Variants in IFT81 observed in about 807,000 individuals in gnomAD.
IFT81 encodes the protein intraflagellar transport protein 81 homolog.
Under a neutral mutation model 102.6 loss-of-function variants are expected in IFT81, and 72 were observed. That is an observed-to-expected ratio of 0.70 (90% CI 0.58 to 0.85). The LOEUF (loss-of-function observed/expected upper bound fraction) is 0.85. Ranked by LOEUF, IFT81 falls within the 40% of genes least tolerant of loss-of-function variation. IFT81 has a pLI of 0.00. For synonymous variants in IFT81, 237 were observed against 242.7 expected (o/e 0.98, Z 0.22); for missense variants, 723 against 787.3 (o/e 0.92, Z 0.98).
intron 17 of IFT81, among the ~76,000 whole-genome samples, chr12:110,206,012 A>G (rs1462737153): frequency 2.0e-5 from 3 of 152,184 alleles, no homozygotes; most frequent in African/African-American, 7.2e-5. Context: ...TGTTTTCATC[A>G]TCCCAAACAA....
chr12:110,199,645 G>A (rs1432416648), intron 14 of IFT81, among the ~76,000 whole-genome samples: 1 of 152,154 alleles, frequency 6.6e-6, no homozygotes, highest in Non-Finnish European at 1.5e-5. Context: ...CTTTGGATGT[G>A]ACTTTCACCT....
intron 14 of IFT81, among the ~76,000 whole-genome samples, chr12:110,193,312 T>A (rs1433093958): frequency 1.3e-5 from 2 of 152,200 alleles, no homozygotes; most frequent in African/African-American, 4.8e-5. Flanking sequence ...TTTCTTTAAA[T>A]CATATGGACC....
chr12:110,192,676 A>G lies in IFT81; in HGVS notation c.1527A>G (p.Lys509=). The change falls in exon 14 of 19, where the codon AAA becomes AAG. Residue 509 remains lysine (K), a synonymous_variant. Coordinates refer to ENST00000242591, the MANE Select transcript of IFT81 (RefSeq NM_014055.4). ...EKKSALASVI[K]ELRQLRQKYQ... Reference sequence around the variant, plus strand: ...AGTCAGCTCTTGCCTCAGTTATAAAAGAGCTACGACAGTTGCGTCAAAAAT... The same window carrying G: ...AGTCAGCTCTTGCCTCAGTTATAAAGGAGCTACGACAGTTGCGTCAAAAAT... 6.3e-7 allele frequency: 1 copy of G among 1,590,576 alleles called. No individual in the cohort carries two copies. Among genetic ancestry groups the G allele is most frequent in the African/African-American group, 1.4e-5 (1 of 74,064 alleles).
chr12:110,194,275 A>T (rs750527153), intron 14 of IFT81, among the ~76,000 whole-genome samples: 43 of 152,204 alleles, frequency 2.8e-4, no homozygotes, highest in Non-Finnish European at 5.9e-4. Context: ...TGTCTAACTT[A>T]TATTTATCTA....
intron 14 of IFT81, among the ~76,000 whole-genome samples, chr12:110,195,454 T>C (rs1897960942): frequency 6.6e-6 from 1 of 152,160 alleles, no homozygotes; most frequent in Non-Finnish European, 1.5e-5. Flanking sequence ...TATGACTTGT[T>C]AGCTTTAAAT....
chr12:110,203,438 G>T, intron 14 of IFT81: 1 of 168,806 alleles, frequency 5.9e-6, no homozygotes, highest in East Asian at 1.6e-4. Flanking sequence ...CTAATCCTTC[G>T]TGATTAGCTT....
chr12:110,135,033 G>GTT lies in IFT81; in HGVS notation c.585+21_585+22insTT. The GTT allele has an allele frequency of 6.4e-7, 1 of 1,568,084 alleles. No homozygotes were observed. Among genetic ancestry groups the GTT allele is most frequent in the Non-Finnish European group, 8.7e-7 (1 of 1,153,476 alleles). On this transcript the variant is annotated intron_variant, in intron 6 of 18. Coordinates refer to ENST00000242591, the MANE Select transcript of IFT81 (RefSeq NM_014055.4). ...AAAAGGGTAAGGCAGAATTAGTACT[G>GTT]TAAGACTTTGGCCCCAAGTCCCAAG...
chr12:110,130,639 T>C (rs1294677934), intron 4 of IFT81, among the ~76,000 whole-genome samples: 1 of 152,080 alleles, frequency 6.6e-6, no homozygotes, highest in Non-Finnish European at 1.5e-5. Flanking sequence ...AGTGCTGGGA[T>C]TACAGGCGTG....
chr12:110,186,763 C>A (rs574642712), intron 12 of IFT81, among the ~76,000 whole-genome samples: 2 of 152,064 alleles, frequency 1.3e-5, no homozygotes, highest in Non-Finnish European at 2.9e-5. Flanking sequence ...ACTCCTGGGT[C>A]CAAACGATCC....
chr12:110,128,165 C>A lies in IFT81; in HGVS notation c.248+16C>A. The A allele has an allele frequency of 1.3e-6, 2 of 1,487,516 alleles. No individual in the cohort carries two copies. Among genetic ancestry groups the A allele is most frequent in the Non-Finnish European group, 1.9e-6 (2 of 1,066,768 alleles). 92.1% of individuals were successfully genotyped at this position (1,487,516 alleles called of 1,614,324 possible). A position where few individuals can be genotyped will look rare whatever the true frequency, so the allele number is the denominator to read the frequency against. On this transcript the variant is annotated intron_variant, in intron 3 of 18. Coordinates refer to ENST00000242591, the MANE Select transcript of IFT81 (RefSeq NM_014055.4). ...CCACAGATATGTAAGAATCTGATCA[C>A]GTATTGAGTTTTTAAAATTATGCTT...
chr12:110,139,887 A>G (rs1420862604), intron 8 of IFT81, among the ~76,000 whole-genome samples: 1 of 146,818 alleles, frequency 6.8e-6, no homozygotes, highest in East Asian at 1.9e-4. Context: ...ATAAAATAAA[A>G]TAAAATAAAA....
At chr12:110,156,146 A>G (rs972807098) in intron 10 of IFT81, among the ~76,000 whole-genome samples, 6 of 152,234 alleles carry the variant, frequency 3.9e-5, no homozygotes, top group Non-Finnish European at 7.3e-5. Flanking sequence ...TATATACAAA[A>G]CAAAATGTGG....
intron 11 of IFT81, among the ~76,000 whole-genome samples, chr12:110,176,381 A>G (rs1030028281): frequency 6.6e-6 from 1 of 152,110 alleles, no homozygotes; most frequent in Non-Finnish European, 1.5e-5. Flanking sequence ...ACCCCTGTAA[A>G]CCAGGAATGG....
At chr12:110,139,804 A>AAAAT (rs1345357070) in intron 8 of IFT81, among the ~76,000 whole-genome samples, 15 of 142,092 alleles carry the variant, frequency 1.1e-4, no homozygotes, top group African/African-American at 4.2e-4. Flanking sequence ...TACATACAAT[A>AAAAT]AAATAAAATA....
At chr12:110,133,602 GGGTGACAGAGT>G (rs1415713726) in intron 5 of IFT81, among the ~76,000 whole-genome samples, 1 of 152,082 alleles carries the variant, frequency 6.6e-6, no homozygotes, top group Non-Finnish European at 1.5e-5. Context: ...CACTCTAGCT[GGGTGACAGAGT>G]GAGAACTTGT....
rs1894931343 is a variant in IFT81, at chr12:110,142,196, C to T, written c.782-1186C>T. ...TGTTTTTTTGAGACAGAGTCTCCCTCTATCCCCCAGGCTGGAGTGCAGTGA... is the reference window on the plus strand; with the variant it reads ...TGTTTTTTTGAGACAGAGTCTCCCTTTATCCCCCAGGCTGGAGTGCAGTGA... On this transcript the variant is annotated intron_variant, in intron 8 of 18. Coordinates refer to ENST00000242591, the MANE Select transcript of IFT81 (RefSeq NM_014055.4). Among the ~76,000 whole-genome samples the T allele has an allele frequency of 3.3e-5, 5 of 152,170 alleles. No individual in the cohort carries two copies. The South Asian group carries it at 8.3e-4, about 25-fold the overall frequency.
intron 9 of IFT81, among the ~76,000 whole-genome samples, chr12:110,146,730 A>G (rs1895245321): frequency 6.6e-6 from 1 of 152,096 alleles, no homozygotes; most frequent in Admixed American, 6.6e-5. Context: ...GCACTTTGGG[A>G]GGCCAAGGTG....
intron 13 of IFT81, 104 bp downstream of exon 13, chr12:110,191,152 C>A: frequency 4.2e-4 from 347 of 820,172 alleles, no homozygotes; most frequent in Non-Finnish European, 5.6e-4. Flanking sequence ...AATTTCTGCA[C>A]ATTACATTCT....
intron 10 of IFT81, among the ~76,000 whole-genome samples, chr12:110,159,124 T>C (rs778341488): frequency 2.6e-5 from 4 of 152,188 alleles, no homozygotes; most frequent in Non-Finnish European, 5.9e-5. Flanking sequence ...TTTGTTATAG[T>C]TTTTGTTTTT....
Sources: allele counts gnomAD v4.1 joint callset (sites outside exome capture counted in the v4.1 genomes callset), GRCh38; gene constraint gnomAD v4.1.1; transcripts MANE v1.5; gene names NCBI Gene and HGNC (gene_info 2026-07-23, HGNC 2026-07-21).